The following CHD9 variants were observed in gnomAD, a reference collection of about 807,000 sequenced individuals.
The protein encoded by CHD9 is chromodomain helicase DNA binding protein 9.
A neutral mutation model predicts 316.1 loss-of-function variants in CHD9; 77 were observed. The ratio of observed to expected loss-of-function variants is 0.24; its 90% CI spans 0.20 to 0.29. The LOEUF is 0.29. Ranked by LOEUF, CHD9 falls within the 10% of genes least tolerant of loss-of-function variation. The pLI is 1.00. For missense variants in CHD9, 2,763 were observed against 3,438.1 expected (o/e 0.80, Z 4.91); for synonymous variants, 1,129 against 1,158.3 (o/e 0.97, Z 0.51).
Position 53,309,000 on chromosome 16 carries a change from TAAC to T in CHD9, c.7222+149_7222+151del, listed in dbSNP as rs2056234547. On this transcript the variant is annotated intron_variant, in intron 34 of 38. Coordinates refer to ENST00000447540, the MANE Select transcript of CHD9 (RefSeq NM_001308319.2). ...AAGTAATCAATAGAATTTTAAATCT[TAAC>T]AAATATTTTTTGGAACTTTTAACAT... The T allele has an allele frequency of 8.0e-6, 5 of 628,326 alleles. No homozygotes were observed. The East Asian group carries it at 9.3e-5, about 12-fold the overall frequency. The allele number at this position is 628,326 out of a possible 1,614,324, so 38.9% of individuals were successfully genotyped here.
intron 1 of CHD9, among the ~76,000 whole-genome samples, chr16:53,119,994 C>T (rs541645041): frequency 3.3e-5 from 5 of 151,532 alleles, no homozygotes; most frequent in African/African-American, 4.8e-5. Flanking sequence ...GGGAGGCTGA[C>T]GCAGGAGGGT....
chr16:53,264,411 A>G (rs1030623503), intron 20 of CHD9, among the ~76,000 whole-genome samples: 1 of 152,088 alleles, frequency 6.6e-6, no homozygotes, highest in South Asian at 2.1e-4. Flanking sequence ...GTACATTCAT[A>G]CTGTCTAATG....
intron 2 of CHD9, among the ~76,000 whole-genome samples, chr16:53,163,993 AC>A (rs763974229): frequency 7.2e-5 from 11 of 152,162 alleles, no homozygotes; most frequent in Non-Finnish European, 1.6e-4. Flanking sequence ...TAAGTAATAA[AC>A]CCCAAGTCAC....
intron 1 of CHD9, among the ~76,000 whole-genome samples, chr16:53,055,732 G>A (rs2032015896): frequency 1.3e-5 from 2 of 152,120 alleles, no homozygotes; most frequent in South Asian, 4.1e-4. Context: ...AGCAGGAAAT[G>A]CCTCTGCCTT....
At chr16:53,208,079 C>G (rs1374874370) in intron 2 of CHD9, 3 of 999,656 alleles carry the variant, frequency 3.0e-6, no homozygotes, top group Non-Finnish European at 3.6e-6. Context: ...ATTGAGGAAA[C>G]TCAGCTTTTT....
intron 2 of CHD9, among the ~76,000 whole-genome samples, chr16:53,167,693 A>G (rs1349247612): frequency 6.6e-6 from 1 of 152,086 alleles, no homozygotes; most frequent in Non-Finnish European, 1.5e-5. Context: ...AATATAGTGT[A>G]TATCATATAT....
chr16:53,287,824 G>A, intron 26 of CHD9, 133 bp from the exon 27 acceptor site: 1 of 683,174 alleles, frequency 1.5e-6, no homozygotes, highest in South Asian at 1.8e-5. Context: ...CTGTGTCTTG[G>A]GCTCTTCTGG....
intron 2 of CHD9, among the ~76,000 whole-genome samples, chr16:53,189,159 TC>T (rs1373877154): frequency 6.6e-6 from 1 of 152,136 alleles, no homozygotes; most frequent in East Asian, 1.9e-4. Flanking sequence ...TATTGCTTTT[TC>T]TCTTCTAATT....
intron 2 of CHD9, among the ~76,000 whole-genome samples, chr16:53,200,776 G>A (rs60319270): frequency 0.034 from 5,105 of 152,186 alleles, 289 homozygotes; most frequent in African/African-American, 0.12. Context: ...TTTACATGGA[G>A]AATAAATTGG....
At chr16:53,301,908 G>A (rs1043538292) in intron 30 of CHD9, among the ~76,000 whole-genome samples, 5 of 151,750 alleles carry the variant, frequency 3.3e-5, no homozygotes, top group African/African-American at 4.8e-5. Flanking sequence ...GGGACTACAG[G>A]TGGCTGCCAC....
At chr16:53,109,172 A>T (rs538546460) in intron 1 of CHD9, among the ~76,000 whole-genome samples, 2 of 152,230 alleles carry the variant, frequency 1.3e-5, no homozygotes, top group East Asian at 3.9e-4. Context: ...GCTCTCAGCC[A>T]GTTTCTCCTA....
In CHD9 at chr16:53,156,308, A is replaced by G. The variant is rs372101207; in HGVS notation, c.219A>G (p.Gln73=). Residue 73 remains glutamine, a synonymous_variant, in exon 2 of 39, where the codon CAA becomes CAG. Coordinates refer to ENST00000447540, the MANE Select transcript of CHD9 (RefSeq NM_001308319.2). Reference sequence around the variant, plus strand: ...TGACTGATTTTGAACAGTTAAATCAATTTGATTCAATAAAATTTCACCATG... The same window carrying G: ...TGACTGATTTTGAACAGTTAAATCAGTTTGATTCAATAAAATTTCACCATG... ...QKMTDFEQLN[Q]FDSIKFHHVN... 2.1e-5 allele frequency: 34 copies of G among 1,613,858 alleles called. No homozygotes were observed. The African/African-American group carries it at 3.6e-4, about 17-fold the overall frequency.
intron 37 of CHD9, among the ~76,000 whole-genome samples, chr16:53,318,783 C>T (rs962195480): frequency 1.3e-5 from 2 of 152,160 alleles, no homozygotes; most frequent in African/African-American, 4.8e-5. Context: ...CCCTACAATA[C>T]CAATTCACAA....
In CHD9 at chr16:53,178,974, T is replaced by C. The variant is rs568857679; in HGVS notation, c.1452+21433T>C. On this transcript the variant is annotated intron_variant, in intron 2 of 38. Coordinates refer to ENST00000447540, the MANE Select transcript of CHD9 (RefSeq NM_001308319.2). Reference sequence around the variant, plus strand: ...CTGTAGTGTGCTATGATCCTGCTTATGAATAACCACTGCATTCTAGCCTGG... The same window carrying C: ...CTGTAGTGTGCTATGATCCTGCTTACGAATAACCACTGCATTCTAGCCTGG... Among the ~76,000 whole-genome samples the C allele has an allele frequency of 3.9e-5, 6 of 152,170 alleles. No individual in the cohort carries two copies. In the South Asian group the frequency reaches 1.2e-3, roughly 31 times the overall value.
chr16:53,131,074 G>GCCGCTGCCACCCACCGC (rs1567352642), intron 1 of CHD9: 19 of 148,356 alleles, frequency 1.3e-4, no homozygotes, highest in East Asian at 2.2e-4. Context: ...TGCCGCCGCC[G>GCCGCTGCCACCCACCGC]CCGCCGCTGC....
At chr16:53,270,122 A>G (rs1171500525) in intron 22 of CHD9, among the ~76,000 whole-genome samples, 2 of 147,122 alleles carry the variant, frequency 1.4e-5, no homozygotes, top group South Asian at 2.2e-4. Context: ...CTCCTCCCCT[A>G]TAGCTGGGAG....
chr16:53,285,736 T>G, intron 25 of CHD9, 37 bp downstream of exon 25: 2 of 1,143,464 alleles, frequency 1.7e-6, no homozygotes, highest in Admixed American at 2.0e-5. Context: ...TCCCCTTCTA[T>G]GTATAAGGCA....
intron 38 of CHD9, 68 bp from the exon 39 acceptor site, chr16:53,323,952 A>G: frequency 7.8e-7 from 1 of 1,277,586 alleles, no homozygotes. Flanking sequence ...GGTTATTTGT[A>G]TGATAAGCTA....
chr16:53,146,590 G>A (rs2152723868), intron 1 of CHD9, among the ~76,000 whole-genome samples: 1 of 150,728 alleles, frequency 6.6e-6, no homozygotes, highest in South Asian at 2.1e-4. Context: ...TTGAGGCCAG[G>A]AGTTTGAGAC....
Sources: allele counts gnomAD v4.1 joint callset (sites outside exome capture counted in the v4.1 genomes callset), GRCh38; gene constraint gnomAD v4.1.1; transcripts MANE v1.5; gene names NCBI Gene and HGNC (gene_info 2026-07-23, HGNC 2026-07-21).